Variants in PPEF2 observed in about 807,000 individuals in gnomAD.
The protein encoded by PPEF2 is serine/threonine-protein phosphatase with EF-hands 2.
PPEF2 carries 84 observed loss-of-function variants against 84.7 expected under a neutral mutation model. The ratio of observed to expected loss-of-function variants is 0.99; its 90% CI spans 0.83 to 1.19. PPEF2 has a LOEUF of 1.19. Ranked by LOEUF, PPEF2 falls within the 50% of genes most tolerant of loss-of-function variation. The pLI is 0.00. For synonymous variants in PPEF2, 346 were observed against 345.2 expected (o/e 1.00, Z -0.03); for missense variants, 924 against 937.5 (o/e 0.99, Z 0.19).
At chr4:75,874,271 T>C (rs1724355566) in intron 11 of PPEF2, among the ~76,000 whole-genome samples, 1 of 152,076 alleles carries the variant, frequency 6.6e-6, no homozygotes, top group South Asian at 2.1e-4. Context: ...ATAATTTTGG[T>C]TATTGTCATT....
At chr4:75,879,650 T>C (rs1724514540) in intron 10 of PPEF2, among the ~76,000 whole-genome samples, 1 of 152,146 alleles carries the variant, frequency 6.6e-6, no homozygotes. Context: ...ACTGATATTC[T>C]TTTTCTATCT....
At chr4:75,897,017 T>C (rs1725026271) in intron 1 of PPEF2, among the ~76,000 whole-genome samples, 1 of 151,920 alleles carries the variant, frequency 6.6e-6, no homozygotes, top group Non-Finnish European at 1.5e-5. Flanking sequence ...TCCCGGTTAA[T>C]TTTGTTTTTG....
chr4:75,893,501 C>CAT (rs997706691), intron 2 of PPEF2, among the ~76,000 whole-genome samples: 1 of 150,044 alleles, frequency 6.7e-6, no homozygotes, highest in Non-Finnish European at 1.5e-5. Context: ...CACACACACA[C>CAT]ACACACACTC....
chr4:75,886,625 T>C (rs986160295), intron 7 of PPEF2, among the ~76,000 whole-genome samples: 1 of 151,726 alleles, frequency 6.6e-6, no homozygotes, highest in Non-Finnish European at 1.5e-5. Flanking sequence ...GAGGCTGAGG[T>C]GGGAGGATTG....
intron 4 of PPEF2, 67 bp downstream of exon 4, chr4:75,891,581 C>G: frequency 6.6e-7 from 1 of 1,505,264 alleles, no homozygotes; most frequent in Non-Finnish European, 9.0e-7. Context: ...CCTGTGCATC[C>G]CCCACCTCAC....
chr4:75,874,956 C>A (rs1320518649), intron 11 of PPEF2, among the ~76,000 whole-genome samples: 1 of 148,450 alleles, frequency 6.7e-6, no homozygotes, highest in Non-Finnish European at 1.5e-5. Flanking sequence ...GGATGAAGTG[C>A]AGTGGCACGA....
intron 12 of PPEF2, 74 bp downstream of exon 12, chr4:75,873,053 G>A: frequency 7.2e-7 from 1 of 1,394,622 alleles, no homozygotes. Flanking sequence ...GAGAGCCTTT[G>A]CTCATCCAGG....
chr4:75,861,811 A>T (rs1427572438), intron 16 of PPEF2, among the ~76,000 whole-genome samples: 1 of 128,508 alleles, frequency 7.8e-6, no homozygotes, highest in Non-Finnish European at 1.7e-5. Flanking sequence ...GGGTTTCACC[A>T]TGTTAGCCAG....
chr4:75,868,035 C>T (rs375610095), intron 13 of PPEF2, among the ~76,000 whole-genome samples: 68 of 152,012 alleles, frequency 4.5e-4, no homozygotes, highest in African/African-American at 1.5e-3. Flanking sequence ...AGAGGCTTGG[C>T]GTGGTGGCTC....
At chr4:75,872,734 C>T (rs2149217007) in intron 12 of PPEF2, among the ~76,000 whole-genome samples, 1 of 152,246 alleles carries the variant, frequency 6.6e-6, no homozygotes, top group Non-Finnish European at 1.5e-5. Flanking sequence ...TTAGGTGAGA[C>T]AAATATTGTA....
At chr4:75,881,982 T>G (rs1477465360) in intron 10 of PPEF2, 1 of 152,222 alleles carries the variant, frequency 6.6e-6, no homozygotes, top group East Asian at 1.9e-4. Context: ...TGTAGCAGCA[T>G]TTCCTGTGTG....
At chr4:75,861,869 A>G (rs1446482967) in intron 16 of PPEF2, among the ~76,000 whole-genome samples, 2 of 149,080 alleles carry the variant, frequency 1.3e-5, no homozygotes, top group Non-Finnish European at 3.0e-5. Context: ...TCGGCCTCCC[A>G]AAGTGCTGGG....
rs1179030594 is a variant in PPEF2 at position 75,872,171 on chromosome 4, C to T, written c.1507-4G>A. On this transcript the variant is annotated splice_polypyrimidine_tract_variant and splice_region_variant and intron_variant, in intron 12 of 16. Transcript: ENST00000286719. ...AGGCAGAAAAGATTGTTAATACCTA[C>T]ATCAAAACAGAAGAGAGACAGGTGT... The T allele has an allele frequency of 6.2e-7, 1 of 1,611,992 alleles. No homozygotes were observed. The highest frequency in any genetic ancestry group is 8.5e-7 in the Non-Finnish European group (1 of 1,179,268).
intron 13 of PPEF2, among the ~76,000 whole-genome samples, chr4:75,870,438 G>A (rs1385751098): frequency 6.6e-6 from 1 of 152,140 alleles, no homozygotes; most frequent in South Asian, 2.1e-4. Flanking sequence ...CACTTTTACA[G>A]CACTCACACA....
intron 10 of PPEF2, among the ~76,000 whole-genome samples, chr4:75,880,473 G>A (rs1724540233): frequency 6.6e-6 from 1 of 152,214 alleles, no homozygotes; most frequent in African/African-American, 2.4e-5. Context: ...ACATTGGGAA[G>A]TTAGTTTTTT....
chr4:75,864,061 C>T (rs1724071417), intron 16 of PPEF2, among the ~76,000 whole-genome samples: 1 of 151,912 alleles, frequency 6.6e-6, no homozygotes, highest in South Asian at 2.1e-4. Flanking sequence ...TTAGTAGAGA[C>T]TGGGTTTCTT....
chr4:75,871,426 C>T (rs1339295056), intron 13 of PPEF2, among the ~76,000 whole-genome samples: 1 of 152,066 alleles, frequency 6.6e-6, no homozygotes, highest in Non-Finnish European at 1.5e-5. Flanking sequence ...AGTAAGCAGA[C>T]TTTACCCAAG....
rs548944787 is a variant in PPEF2 at position 75,862,663 on chromosome 4, G to A, written c.2009-1743C>T. ...AATGGAAAATAACAAGCATTGGTGA[G>A]GATGTAGAGAAACTGGAACCCTCAT... On this transcript the variant is annotated intron_variant, in intron 16 of 16. Coordinates refer to ENST00000286719, the MANE Select transcript of PPEF2 (RefSeq NM_006239.3). 5.9e-5 allele frequency among the ~76,000 whole-genome samples: 9 copies of A among 152,236 alleles called. No individual in the cohort carries two copies. The South Asian group carries it at 1.9e-3, about 32-fold the overall frequency.
At position 75,860,930 on chromosome 4, in the gene PPEF2, G is replaced by T; in HGVS notation, c.2009-10C>A. The T allele has an allele frequency of 1.2e-6, 2 of 1,610,674 alleles. No homozygotes were observed. Among genetic ancestry groups the T allele is most frequent in the South Asian group, 2.2e-5 (2 of 90,866 alleles). On this transcript the variant is annotated splice_polypyrimidine_tract_variant and intron_variant, in intron 16 of 16. Transcript: ENST00000286719. ...TCCAGTGAGATGAACCCTTATCAGA[G>T]GGAGGAAATCACTTCAGTGAGTTAG...
Sources: allele counts gnomAD v4.1 joint callset (sites outside exome capture counted in the v4.1 genomes callset), GRCh38; gene constraint gnomAD v4.1.1; transcripts MANE v1.5; gene names NCBI Gene and HGNC (gene_info 2026-07-23, HGNC 2026-07-21).